KAT6B: variants seen among roughly 807,000 people sequenced by gnomAD.
KAT6B encodes the protein histone acetyltransferase KAT6B.
A neutral mutation model predicts 187.5 loss-of-function variants in KAT6B; 10 were observed. That is an observed-to-expected ratio of 0.05 (90% confidence interval 0.03 to 0.09). The LOEUF is 0.09. KAT6B is among the 10% of genes least tolerant of loss of function. KAT6B has a pLI of 1.00. For synonymous variants in KAT6B, 861 were observed against 926.8 expected, an observed-to-expected ratio of 0.93 and a Z score of 1.29; for missense variants, 1,952 against 2,558.9, an observed-to-expected ratio of 0.76 and a Z score of 5.12.
Position 74,929,552 on chromosome 10 carries a change from A to G in KAT6B, c.622-30418A>G, listed in dbSNP as rs112082068. Among the ~76,000 whole-genome samples, 224 of 152,308 alleles carry G rather than the reference A, an allele frequency of 1.5e-3. 11 individuals are homozygous for G. The highest frequency in any genetic ancestry group is 5.1e-3 in the African/African-American group (213 of 41,568). ...TATTTAGTGGTTCTGTAGTCTAATT[A>G]TCTGTAAAATGGTCATGTCAAAAAA... On this transcript the variant is annotated intron_variant, in intron 3 of 17. Coordinates refer to ENST00000287239, the MANE Select transcript of KAT6B (RefSeq NM_012330.4).
intron 3 of KAT6B, among the ~76,000 whole-genome samples, chr10:74,899,706 T>A (rs918273331): frequency 2.3e-4 from 35 of 152,294 alleles, no homozygotes; most frequent in African/African-American, 8.4e-4. Flanking sequence ...TGTAAGTTTG[T>A]CCTCTACTCC....
At chr10:74,905,499 C>G (rs1316571825) in intron 3 of KAT6B, among the ~76,000 whole-genome samples, 1 of 152,138 alleles carries the variant, frequency 6.6e-6, no homozygotes, top group Admixed American at 6.5e-5. Context: ...GCCTTTTGCT[C>G]CTTTTCCCTG....
chr10:74,931,116 C>A (rs1039516360), intron 3 of KAT6B, among the ~76,000 whole-genome samples: 1 of 152,124 alleles, frequency 6.6e-6, no homozygotes, highest in African/African-American at 2.4e-5. Flanking sequence ...AGCTTATTTG[C>A]CACTAGTGTT....
intron 12 of KAT6B, 101 bp from the exon 13 acceptor site, chr10:74,988,918 G>A (rs1842965783): frequency 2.4e-6 from 2 of 825,246 alleles, no homozygotes; most frequent in African/African-American, 1.7e-5. Context: ...TAACCCATTG[G>A]CTTTCTTTAG....
upstream of KAT6B, among the ~76,000 whole-genome samples, chr10:74,825,972 G>C (rs1043862057): frequency 6.6e-6 from 1 of 152,038 alleles, no homozygotes; most frequent in Non-Finnish European, 1.5e-5. This position sits in a 1 kb window ranked among gnomAD's most constrained non-coding sequence, Gnocchi z 5.0. Flanking sequence ...GCTCCGGGCG[G>C]CGCGCCCGTC....
intron 10 of KAT6B, among the ~76,000 whole-genome samples, chr10:74,979,554 A>G (rs1842377918): frequency 6.6e-6 from 1 of 151,892 alleles, no homozygotes; most frequent in Non-Finnish European, 1.5e-5. Flanking sequence ...CATGGGCATT[A>G]TAAATTTTGC....
At chr10:74,846,138 A>G (rs1842086169) in intron 3 of KAT6B, among the ~76,000 whole-genome samples, 1 of 152,080 alleles carries the variant, frequency 6.6e-6, no homozygotes. Flanking sequence ...TGCTGGGATT[A>G]TAGGCATGAG....
At chr10:74,914,894 C>T (rs1311169712) in intron 3 of KAT6B, among the ~76,000 whole-genome samples, 3 of 151,826 alleles carry the variant, frequency 2.0e-5, no homozygotes, top group African/African-American at 4.8e-5. Context: ...GAGTTTGAGA[C>T]CAGTCTGGGC....
chr10:75,028,926 GAAGGGGAA>G lies in KAT6B; in HGVS notation c.4103_4110del (p.Glu1368GlyfsTer16), dbSNP rs1846095233. On this transcript the variant is annotated frameshift_variant, in exon 18 of 18. Transcript: ENST00000287239. LOFTEE classifies it high-confidence loss of function. The stretch of plus-strand genomic sequence containing the variant: ...GGAAGAGGAAGAAGAGGAAGAAGAG[GAAGGGGAA>G]GAAGAAGAAGGAGGAGGAAATGTAG... 1 of 1,612,260 alleles carries G rather than the reference GAAGGGGAA, an allele frequency of 6.2e-7. No homozygotes were observed. Among genetic ancestry groups the G allele is most frequent in the South Asian group, 1.1e-5 (1 of 90,946 alleles).
intron 10 of KAT6B, 63 bp downstream of exon 10, chr10:74,979,402 T>C: frequency 8.5e-7 from 1 of 1,175,424 alleles, no homozygotes; most frequent in Non-Finnish European, 1.3e-6. Context: ...AGGAAAATTC[T>C]TGATTCTAAA....
chr10:75,006,344 GA>G (rs1844200508), intron 13 of KAT6B, among the ~76,000 whole-genome samples: 1 of 152,146 alleles, frequency 6.6e-6, no homozygotes, highest in African/African-American at 2.4e-5. Context: ...TTATTTTCTT[GA>G]AAGCTGCAAA....
At chr10:74,900,510 C>T (rs1014125637) in intron 3 of KAT6B, among the ~76,000 whole-genome samples, 1 of 152,172 alleles carries the variant, frequency 6.6e-6, no homozygotes, top group Admixed American at 6.5e-5. Flanking sequence ...AGGTGGGCAA[C>T]CCCAAAGACT....
intron 1 of KAT6B, among the ~76,000 whole-genome samples, chr10:74,832,753 G>T (rs1172810232): frequency 1.3e-5 from 2 of 151,968 alleles, no homozygotes; most frequent in Non-Finnish European, 2.9e-5. Flanking sequence ...ACCTGCCTTG[G>T]CCTGTCGAAG....
At chr10:75,018,605 C>T (rs1170170422) in intron 13 of KAT6B, among the ~76,000 whole-genome samples, 1 of 152,090 alleles carries the variant, frequency 6.6e-6, no homozygotes, top group Admixed American at 6.6e-5. Flanking sequence ...GGAGACAGAA[C>T]AAAGGAACAC....
intron 3 of KAT6B, among the ~76,000 whole-genome samples, chr10:74,881,307 G>T (rs561554578): frequency 1.3e-5 from 2 of 152,210 alleles, no homozygotes; most frequent in East Asian, 3.9e-4. Flanking sequence ...AAGATTTGGG[G>T]GTTATAAGGA....
chr10:74,902,937 T>C (rs967846226), intron 3 of KAT6B, among the ~76,000 whole-genome samples: 2 of 152,214 alleles, frequency 1.3e-5, no homozygotes, highest in African/African-American at 4.8e-5. Flanking sequence ...TGGTCTATAG[T>C]TTCTGCTTAA....
At chr10:74,939,216 G>A (rs918505108) in intron 3 of KAT6B, among the ~76,000 whole-genome samples, 8 of 152,128 alleles carry the variant, frequency 5.3e-5, no homozygotes, top group East Asian at 1.9e-4. Context: ...TGCTTCTACT[G>A]CTGTTTGAGT....
chr10:74,912,327 CAGAT>C lies in KAT6B; in HGVS notation c.622-47638_622-47635del, dbSNP rs368363280. 7.8e-4 allele frequency among the ~76,000 whole-genome samples: 116 copies of C among 149,128 alleles called. No individual in the cohort carries two copies. The East Asian group carries it at 8.8e-3, about 11-fold the overall frequency. On this transcript the variant is annotated intron_variant, in intron 3 of 17. Coordinates refer to ENST00000287239, the MANE Select transcript of KAT6B (RefSeq NM_012330.4). ...ATGTATGTATGTATGTATGGATAGA[CAGAT>C]AGATGAAGGTTGAAGGATGGATGGA...
intron 12 of KAT6B, among the ~76,000 whole-genome samples, chr10:74,985,691 C>T (rs527794043): frequency 1.3e-5 from 2 of 152,290 alleles, no homozygotes; most frequent in East Asian, 1.9e-4. Flanking sequence ...ACTGGTTTTA[C>T]ACTTTTGTCT....
Sources: allele counts gnomAD v4.1 joint callset (sites outside exome capture counted in the v4.1 genomes callset), GRCh38; gene constraint gnomAD v4.1.1; non-coding constraint Gnocchi (gnomAD v3.1); transcripts MANE v1.5; gene names NCBI Gene and HGNC (gene_info 2026-07-23, HGNC 2026-07-21).